The following RBFOX1 variants were observed in gnomAD, a reference collection of about 807,000 sequenced individuals.
RBFOX1 encodes the protein RNA binding protein fox-1 homolog 1.
In RBFOX1, 8 loss-of-function variants were observed where a neutral mutation model predicts 57.7. That is an observed-to-expected ratio of 0.14 (90% CI 0.08 to 0.25). The LOEUF (loss-of-function observed/expected upper bound fraction) is 0.25. Among genes scored for constraint, RBFOX1 ranks in the 10% least tolerant of loss-of-function variants. The probability of loss-of-function intolerance (pLI) is 1.00; values close to 1 mark genes in which losing one functional copy is unlikely to be tolerated. For missense variants in RBFOX1, 611 were observed against 548.5 expected (o/e 1.11, Z -1.14); for synonymous variants, 326 against 222.4 (o/e 1.47, Z -4.15).
chr16:7,245,901 T>A (rs1051672958), intron 4 of RBFOX1, among the ~76,000 whole-genome samples: 2 of 152,178 alleles, frequency 1.3e-5, no homozygotes, highest in Admixed American at 6.5e-5. Flanking sequence ...CAAATAGATA[T>A]TCAATTCTCC....
At chr16:6,940,367 A>C (rs2078158300) in intron 3 of RBFOX1, among the ~76,000 whole-genome samples, 1 of 152,166 alleles carries the variant, frequency 6.6e-6, no homozygotes, top group South Asian at 2.1e-4. Flanking sequence ...TACATTGCTC[A>C]CTTCCCATCC....
chr16:6,229,637 A>G (rs1278501555), intron 1 of RBFOX1, among the ~76,000 whole-genome samples: 1 of 152,166 alleles, frequency 6.6e-6, no homozygotes, highest in Non-Finnish European at 1.5e-5. Context: ...GAAATTTAGT[A>G]TGCATATAAA....
chr16:7,412,408 C>A (rs1478304636), intron 4 of RBFOX1, among the ~76,000 whole-genome samples: 20 of 66,630 alleles, frequency 3.0e-4, no homozygotes, highest in Admixed American at 1.6e-3. Flanking sequence ...GAGTGACATT[C>A]TGCCAAAAAA....
intron 1 of RBFOX1, among the ~76,000 whole-genome samples, chr16:5,263,560 G>A (rs1327053481): frequency 1.3e-5 from 2 of 152,144 alleles, no homozygotes; most frequent in African/African-American, 2.4e-5. Flanking sequence ...AGGAGTGAAG[G>A]TGGTGAGTCA....
intron 1 of RBFOX1, among the ~76,000 whole-genome samples, chr16:6,170,821 A>G (rs976902705): frequency 5.3e-5 from 8 of 152,202 alleles, no homozygotes; most frequent in African/African-American, 1.9e-4. Flanking sequence ...AGTACCGTTT[A>G]TTAGTGAGAA....
At chr16:6,261,462 G>T (rs1323104762) in intron 1 of RBFOX1, among the ~76,000 whole-genome samples, 1 of 152,180 alleles carries the variant, frequency 6.6e-6, no homozygotes, top group Non-Finnish European at 1.5e-5. Flanking sequence ...TTGTTTTAGT[G>T]GCTCAGACAT....
intron 4 of RBFOX1, among the ~76,000 whole-genome samples, chr16:7,362,796 A>G (rs139968982): frequency 1.7e-4 from 26 of 152,180 alleles, no homozygotes; most frequent in Non-Finnish European, 2.8e-4. Flanking sequence ...GTGCATTTCA[A>G]GTGTTCACTG....
At chr16:5,741,824 G>T (rs1597059148) in intron 3 of RBFOX1, among the ~76,000 whole-genome samples, 2 of 152,134 alleles carry the variant, frequency 1.3e-5, no homozygotes, top group African/African-American at 2.4e-5. Flanking sequence ...ATAGGAAGGG[G>T]ATATAAGATT....
intron 4 of RBFOX1, among the ~76,000 whole-genome samples, chr16:5,953,196 A>G (rs1459492180): frequency 4.6e-5 from 7 of 152,194 alleles, no homozygotes. Flanking sequence ...CCCTGGGGCC[A>G]TGTTTCTCAG....
intron 1 of RBFOX1, among the ~76,000 whole-genome samples, chr16:6,021,660 G>T (rs1017978620): frequency 2.6e-5 from 4 of 152,128 alleles, no homozygotes; most frequent in Admixed American, 6.5e-5. Context: ...CATTCCTCGC[G>T]GTAGTGGAAG....
intron 5 of RBFOX1, among the ~76,000 whole-genome samples, chr16:7,525,878 C>G (rs1443768604): frequency 6.6e-6 from 1 of 152,100 alleles, no homozygotes; most frequent in Non-Finnish European, 1.5e-5. Flanking sequence ...AGGTCGTCAC[C>G]CACATCTTGT....
intron 4 of RBFOX1, among the ~76,000 whole-genome samples, chr16:7,155,009 A>C (rs12709180): frequency 0.18 from 26,878 of 151,922 alleles, 2,988 homozygotes; most frequent in East Asian, 0.33. Flanking sequence ...GATTCTGTAC[A>C]GTATAAATTG....
chr16:5,538,735 T>C (rs1359138103), intron 2 of RBFOX1, among the ~76,000 whole-genome samples: 1 of 152,124 alleles, frequency 6.6e-6, no homozygotes, highest in Admixed American at 6.5e-5. Flanking sequence ...CAAGTGATTG[T>C]CCTGCCTTAG....
chr16:6,957,078 A>G (rs891228986), intron 3 of RBFOX1, among the ~76,000 whole-genome samples: 1 of 140,138 alleles, frequency 7.1e-6, no homozygotes, highest in East Asian at 1.9e-4. Flanking sequence ...CTGGTTGCCC[A>G]TGTTTTTTGG....
At chr16:7,061,977 A>C (rs2153747807) in intron 4 of RBFOX1, among the ~76,000 whole-genome samples, 1 of 152,002 alleles carries the variant, frequency 6.6e-6, no homozygotes, top group African/African-American at 2.4e-5. Flanking sequence ...GGAGCAAGAA[A>C]CTCTCCTTTC....
chr16:5,539,018 C>A (rs1314321438), intron 2 of RBFOX1, among the ~76,000 whole-genome samples: 1 of 152,028 alleles, frequency 6.6e-6, no homozygotes, highest in Non-Finnish European at 1.5e-5. Flanking sequence ...TTAGGAGGGT[C>A]CTTGAAAAAG....
chr16:5,942,149 A>G (rs1225188344), intron 4 of RBFOX1, among the ~76,000 whole-genome samples: 3 of 152,098 alleles, frequency 2.0e-5, no homozygotes, highest in African/African-American at 2.4e-5. Flanking sequence ...GGGGAGTGCA[A>G]TAGAGAAAGA....
At chr16:6,209,532 T>C (rs1330206960) in intron 1 of RBFOX1, among the ~76,000 whole-genome samples, 1 of 152,234 alleles carries the variant, frequency 6.6e-6, no homozygotes, top group African/African-American at 2.4e-5. Flanking sequence ...AATTTGCAGA[T>C]AAAGTCAAAC....
In RBFOX1 at chr16:7,234,797, T is replaced by A. The variant is rs533923592; in HGVS notation, c.27+182699T>A. 3.3e-5 allele frequency among the ~76,000 whole-genome samples: 5 copies of A among 152,112 alleles called. No individual in the cohort carries two copies. The South Asian group carries it at 1.0e-3, about 32-fold the overall frequency. On this transcript the variant is annotated intron_variant, in intron 4 of 15. Transcript: ENST00000550418. The stretch of plus-strand genomic sequence containing the variant: ...TAATAGACTACATTCAAACTCATTT[T>A]CAATTTCCAAAAATATGCAAGGCAC...
Sources: allele counts gnomAD v4.1 joint callset (sites outside exome capture counted in the v4.1 genomes callset), GRCh38; gene constraint gnomAD v4.1.1; transcripts MANE v1.5; gene names NCBI Gene and HGNC (gene_info 2026-07-23, HGNC 2026-07-21).